Variants in RXFP1 observed in about 807,000 individuals in gnomAD.
RXFP1 encodes the protein relaxin receptor 1.
A neutral mutation model predicts 89.8 loss-of-function variants in RXFP1; 73 were observed. The observed-to-expected ratio is 0.81, with a 90% confidence interval of 0.67 to 0.99. The LOEUF is 0.99. Among genes scored for constraint, RXFP1 ranks in the 50% least tolerant of loss-of-function variants. RXFP1 has a pLI of 0.00. For synonymous variants in RXFP1, 277 were observed against 305.5 expected, an observed-to-expected ratio of 0.91 and a Z score of 0.97; for missense variants, 793 against 895.5, an observed-to-expected ratio of 0.89 and a Z score of 1.46.
chr4:158,587,180 G>C (rs1360015772), intron 2 of RXFP1, among the ~76,000 whole-genome samples: 1 of 152,164 alleles, frequency 6.6e-6, no homozygotes, highest in Non-Finnish European at 1.5e-5. Flanking sequence ...CTGGTAGGCT[G>C]CAAGGTCGAA....
chr4:158,543,125 C>CA (rs1747247162), intron 1 of RXFP1, among the ~76,000 whole-genome samples: 1 of 152,160 alleles, frequency 6.6e-6, no homozygotes, highest in South Asian at 2.1e-4. Context: ...TTAACACACA[C>CA]ACACCTGCAC....
At position 158,592,159 on chromosome 4, in the gene RXFP1, G is replaced by A. The variant is rs116228377; in HGVS notation, c.188-1242G>A. Among the ~76,000 whole-genome samples the A allele has an allele frequency of 6.8e-3, 1,035 of 152,006 alleles. 9 individuals carry two copies. The highest frequency in any genetic ancestry group is 0.024 in the African/African-American group (994 of 41,492). The stretch of plus-strand genomic sequence containing the variant: ...ACATAGGGGTTTAAAATAGAAATAA[G>A]AAAATATAGAAATATATATATAAGC... On this transcript the variant is annotated intron_variant, in intron 2 of 17. Transcript: ENST00000307765.
At chr4:158,534,246 T>A (rs1331963866) in intron 1 of RXFP1, among the ~76,000 whole-genome samples, 1 of 2,094 alleles carries the variant, frequency 4.8e-4, no homozygotes. Flanking sequence ...GATATTCTGA[T>A]TTTTTTTTTT....
Position 158,651,743 on chromosome 4 carries a change from T to A in RXFP1, c.1976-14T>A. On this transcript the variant is annotated splice_polypyrimidine_tract_variant and intron_variant, in intron 17 of 17. Transcript: ENST00000307765. ...ATCTATAAACACTAAAACTATTTCA[T>A]TTTTCTTTTTTAGGTACCATAACCT... 1 of 1,578,638 alleles carries A rather than the reference T, an allele frequency of 6.3e-7. No individual in the cohort carries two copies. Among genetic ancestry groups the A allele is most frequent in the Admixed American group, 1.8e-5 (1 of 54,164 alleles).
intron 4 of RXFP1, among the ~76,000 whole-genome samples, chr4:158,603,826 G>T (rs1253515791): frequency 6.6e-6 from 1 of 150,944 alleles, no homozygotes; most frequent in African/African-American, 2.4e-5. Flanking sequence ...GGAGGCAGAG[G>T]TTGCAGTGAG....
At chr4:158,599,793 ACT>A (rs1243133985) in intron 4 of RXFP1, among the ~76,000 whole-genome samples, 1 of 152,194 alleles carries the variant, frequency 6.6e-6, no homozygotes, top group East Asian at 1.9e-4. Context: ...TATTGAAAGA[ACT>A]CTGTTAGAAT....
At chr4:158,601,689 C>A (rs1388727911) in intron 4 of RXFP1, among the ~76,000 whole-genome samples, 10 of 152,144 alleles carry the variant, frequency 6.6e-5, no homozygotes, top group Non-Finnish European at 7.3e-5. Context: ...TTAGTCAGTT[C>A]TTTCCAGACT....
At chr4:158,608,126 C>A in intron 6 of RXFP1, 83 bp downstream of exon 6, 1 of 878,758 alleles carries the variant, frequency 1.1e-6, no homozygotes, top group Non-Finnish European at 1.8e-6. Flanking sequence ...GCCTCCCTGT[C>A]CATGACAGTA....
intron 1 of RXFP1, among the ~76,000 whole-genome samples, chr4:158,535,614 A>G (rs944272015): frequency 6.6e-6 from 1 of 152,274 alleles, no homozygotes; most frequent in Non-Finnish European, 1.5e-5. Flanking sequence ...GATACAGGCT[A>G]TGACCAAGTC....
intron 1 of RXFP1, among the ~76,000 whole-genome samples, chr4:158,558,251 A>C (rs1751726224): frequency 6.6e-6 from 1 of 152,222 alleles, no homozygotes; most frequent in Admixed American, 6.5e-5. Flanking sequence ...GTGTGCTCTA[A>C]TGCTTGGTGC....
intron 2 of RXFP1, among the ~76,000 whole-genome samples, chr4:158,584,964 G>A (rs917698649): frequency 4.6e-5 from 7 of 152,154 alleles, no homozygotes; most frequent in East Asian, 1.9e-4. Flanking sequence ...TGGAAGGCTC[G>A]TTAAAACATA....
chr4:158,626,726 GA>G, intron 9 of RXFP1, 93 bp from the exon 10 acceptor site: 1 of 736,116 alleles, frequency 1.4e-6, no homozygotes, highest in Non-Finnish European at 2.2e-6. Context: ...AGTATGTAAA[GA>G]AAAGATATTT....
intron 13 of RXFP1, among the ~76,000 whole-genome samples, chr4:158,638,770 T>C (rs1011916397): frequency 1.5e-5 from 2 of 136,824 alleles, no homozygotes; most frequent in African/African-American, 2.8e-5. Flanking sequence ...GCCCTGTTCA[T>C]ACCACCACAC....
At chr4:158,615,682 C>T (rs537627001) in intron 8 of RXFP1, among the ~76,000 whole-genome samples, 34 of 152,088 alleles carry the variant, frequency 2.2e-4, no homozygotes, top group Admixed American at 1.8e-3. Flanking sequence ...GGGTGGCTCA[C>T]GTCTGTAATC....
chr4:158,537,629 A>C (rs1361650097), intron 1 of RXFP1, among the ~76,000 whole-genome samples: 1 of 152,164 alleles, frequency 6.6e-6, no homozygotes, highest in African/African-American at 2.4e-5. Flanking sequence ...ACAATTATTC[A>C]TTCTTCCTTT....
chr4:158,627,679 T>G (rs1349141805), intron 10 of RXFP1, among the ~76,000 whole-genome samples: 2 of 152,152 alleles, frequency 1.3e-5, no homozygotes, highest in Non-Finnish European at 2.9e-5. Context: ...TATTACCATA[T>G]GTTTTCTCCA....
chr4:158,544,702 G>A (rs1747777377), intron 1 of RXFP1, among the ~76,000 whole-genome samples: 1 of 151,886 alleles, frequency 6.6e-6, no homozygotes, highest in African/African-American at 2.4e-5. Flanking sequence ...GAGGTGTTTG[G>A]TTTTTTGTCC....
chr4:158,605,969 A>G (rs1762475438), intron 5 of RXFP1, among the ~76,000 whole-genome samples: 1 of 152,216 alleles, frequency 6.6e-6, no homozygotes, highest in Non-Finnish European at 1.5e-5. Context: ...TCAGAAGAAG[A>G]ATTAACCCAC....
intron 2 of RXFP1, among the ~76,000 whole-genome samples, chr4:158,583,550 A>G (rs557729922): frequency 6.6e-6 from 1 of 152,362 alleles, no homozygotes; most frequent in Non-Finnish European, 1.5e-5. Context: ...AGGAAAAGTG[A>G]TGTGTCATAA....
Sources: gnomAD v4.1 joint callset for allele counts (sites outside exome capture counted in the v4.1 genomes callset) on GRCh38, gnomAD v4.1.1 for gene constraint, MANE v1.5 for transcripts, NCBI Gene and HGNC (gene_info 2026-07-23, HGNC 2026-07-21) for gene names.